ERCC5: variants seen among roughly 807,000 people sequenced by gnomAD.
The protein encoded by ERCC5 is DNA excision repair protein ERCC-5.
In ERCC5, 68 loss-of-function variants were observed where a neutral mutation model predicts 105.6. The observed-to-expected ratio is 0.64, with a 90% CI of 0.53 to 0.79. ERCC5 has a LOEUF of 0.79. Among genes scored for constraint, ERCC5 ranks in the 30% least tolerant of loss-of-function variants. The pLI, the probability that ERCC5 is intolerant of heterozygous loss-of-function variation, is 0.00. For missense variants in ERCC5, 1,373 were observed against 1,426.7 expected (o/e 0.96, Z 0.61); for synonymous variants, 546 against 526.2 (o/e 1.04, Z -0.51).
intron 12 of ERCC5, among the ~76,000 whole-genome samples, chr13:102,870,628 C>T (rs888083914): frequency 6.6e-6 from 1 of 152,162 alleles, no homozygotes; most frequent in Non-Finnish European, 1.5e-5. Flanking sequence ...GGAGAATTAT[C>T]GGTATTCTCT....
At chr13:102,856,447 TTGATA>T (rs1469002293) in intron 5 of ERCC5, among the ~76,000 whole-genome samples, 1 of 152,240 alleles carries the variant, frequency 6.6e-6, no homozygotes, top group Non-Finnish European at 1.5e-5. Flanking sequence ...TAATAACAGT[TTGATA>T]TATTTTCATC....
At chr13:102,871,191 C>T (rs1464549711) in intron 12 of ERCC5, among the ~76,000 whole-genome samples, 2 of 152,100 alleles carry the variant, frequency 1.3e-5, no homozygotes, top group South Asian at 2.1e-4. Context: ...TTGGCTTCCT[C>T]ATAGCATGTT....
At chr13:102,874,979 C>T (rs556885564) in intron 14 of ERCC5, 38 of 259,300 alleles carry the variant, frequency 1.5e-4, no homozygotes, top group Admixed American at 1.2e-3. Flanking sequence ...CCCATGAAGT[C>T]GTGTTGCTCC....
At chr13:102,850,093 T>A (rs1411579431) in intron 1 of ERCC5, among the ~76,000 whole-genome samples, 1 of 152,038 alleles carries the variant, frequency 6.6e-6, no homozygotes, top group African/African-American at 2.4e-5. Flanking sequence ...GCCTGGCTAA[T>A]TTTTGTATTT....
At chr13:102,861,864 G>A (rs544487189) in intron 7 of ERCC5, 150 bp downstream of exon 7, 2 of 1,355,088 alleles carry the variant, frequency 1.5e-6, no homozygotes, top group Non-Finnish European at 2.0e-6. Flanking sequence ...AACTACTATA[G>A]TGCCAAACCA....
At chr13:102,849,933 G>GT (rs1555325183) in intron 1 of ERCC5, among the ~76,000 whole-genome samples, 2,677 of 142,760 alleles carry the variant, frequency 0.019, 60 homozygotes, top group African/African-American at 0.058. Context: ...GTTTCTCTCT[G>GT]TTTTTTTTTT....
At chr13:102,849,493 T>G in intron 1 of ERCC5, 1 of 509,946 alleles carries the variant, frequency 2.0e-6, no homozygotes, top group South Asian at 1.4e-5. Context: ...TTGCTAAATA[T>G]TATAGAAATA....
intron 6 of ERCC5, among the ~76,000 whole-genome samples, 193 bp downstream of exon 6, chr13:102,858,611 G>A (rs1017865406): frequency 2.6e-5 from 4 of 152,162 alleles, no homozygotes; most frequent in African/African-American, 7.2e-5. Context: ...ACTCTAAGAA[G>A]TTTTTCTTGA....
rs1174292442 is a variant in ERCC5, at chr13:102,862,170, T to C, written c.1021T>C (p.Ser341Pro). ...GAAAGAGCCTGATGCTACCCCTCCT[T>C]CTCCAAGAACTTTACTAGCTATGCA... ...TEKEPDATPP[S>P]PRTLLAMQAA... Residue 341 changes from serine to proline, a missense_variant, in exon 8 of 15, where the codon TCT (serine) becomes CCT (proline). Physicochemically the swap from Ser to Pro is moderately conservative, Grantham distance 74 (BLOSUM62 -1). This residue lies in a region of ERCC5 where 1,004 missense variants were observed against 1,059.7 expected (regional missense o/e 0.95). Transcript: ENST00000652225. 6 of 1,613,992 alleles carry C rather than the reference T, an allele frequency of 3.7e-6. No homozygotes were observed. Among genetic ancestry groups the C allele is most frequent in the Non-Finnish European group, 5.1e-6 (6 of 1,180,022 alleles).
intron 8 of ERCC5, chr13:102,864,644 T>C (rs1231729339): frequency 6.6e-6 from 1 of 152,170 alleles, no homozygotes; most frequent in African/African-American, 2.4e-5. Flanking sequence ...TGTTGTACTT[T>C]CTCTGCCCTG....
rs1246961625 is a variant in ERCC5, at chr13:102,858,432, CA to C, written c.672+15del. Reference sequence around the variant, plus strand: ...GCAATGCCAGAGGTGAAATATGCAACAGTACATTCATGCTTAGAATTAAGAA... The same window carrying C: ...GCAATGCCAGAGGTGAAATATGCAACGTACATTCATGCTTAGAATTAAGAA... On this transcript the variant is annotated intron_variant, in intron 6 of 14. Coordinates refer to ENST00000652225, the MANE Select transcript of ERCC5 (RefSeq NM_000123.4). 6 of 1,614,014 alleles carry C rather than the reference CA, an allele frequency of 3.7e-6. No homozygotes were observed. Among genetic ancestry groups the C allele is most frequent in the Non-Finnish European group, 5.1e-6 (6 of 1,179,966 alleles).
chr13:102,854,419 A>C, intron 4 of ERCC5, 45 bp downstream of exon 4: 1 of 1,573,832 alleles, frequency 6.4e-7, no homozygotes, highest in Non-Finnish European at 8.7e-7. Flanking sequence ...TCATTGCTAC[A>C]TTCAGACACA....
chr13:102,872,970 G>T (rs1883081933), intron 13 of ERCC5, among the ~76,000 whole-genome samples: 1 of 152,164 alleles, frequency 6.6e-6, no homozygotes, highest in Non-Finnish European at 1.5e-5. Context: ...CAAGATATCT[G>T]AAACTTGTTT....
chr13:102,873,111 AG>A, intron 13 of ERCC5, 147 bp from the exon 14 acceptor site: 2 of 801,510 alleles, frequency 2.5e-6, no homozygotes, highest in African/African-American at 3.5e-5. Context: ...TTATTTTGTT[AG>A]TACTTTCTTT....
chr13:102,864,756 G>A (rs1025744751), intron 8 of ERCC5: 3 of 152,094 alleles, frequency 2.0e-5, no homozygotes, highest in Non-Finnish European at 2.9e-5. Flanking sequence ...TGGATCCTGA[G>A]GTATAACTGT....
chr13:102,858,892 T>A (rs1400175060), intron 6 of ERCC5: 1 of 456,014 alleles, frequency 2.2e-6, no homozygotes. Flanking sequence ...GAAAAATAAG[T>A]TCTAAATTGA....
rs190910224 is a variant in ERCC5 at position 102,856,027 on chromosome 13, T to C, written c.468-25T>C. 6.3e-4 allele frequency: 1,016 copies of C among 1,612,140 alleles called. 4 individuals carry two copies. Among genetic ancestry groups the C allele is most frequent in the East Asian group, 5.0e-3 (224 of 44,844 alleles). On this transcript the variant is annotated intron_variant, in intron 4 of 14. Coordinates refer to ENST00000652225, the MANE Select transcript of ERCC5 (RefSeq NM_000123.4). ...AAGGGGTCCTTAAAAATCATAGATA[T>C]CGTAAAAGTATGTTTGACTTTCAGT...
At chr13:102,851,183 T>A (rs1882186835) in intron 1 of ERCC5, among the ~76,000 whole-genome samples, 1 of 152,240 alleles carries the variant, frequency 6.6e-6, no homozygotes, top group Admixed American at 6.5e-5. Context: ...TATGGTTTTA[T>A]AGCCTGTTTT....
At chr13:102,855,228 A>G (rs1255982391) in intron 4 of ERCC5, among the ~76,000 whole-genome samples, 2 of 151,378 alleles carry the variant, frequency 1.3e-5, no homozygotes, top group African/African-American at 2.4e-5. Flanking sequence ...TACTTAAAAC[A>G]CTTTCTAGCT....
Sources: gnomAD v4.1 joint callset for allele counts (sites outside exome capture counted in the v4.1 genomes callset) on GRCh38, gnomAD v4.1.1 for gene constraint, gnomAD v4.1.1 regional missense constraint, MANE v1.5 for transcripts, NCBI Gene and HGNC (gene_info 2026-07-23, HGNC 2026-07-21) for gene names.